NRG1: variants seen among roughly 807,000 people sequenced by gnomAD.
The protein encoded by NRG1 is neuregulin 1.
NRG1 carries 18 observed loss-of-function variants against 63.8 expected under a neutral mutation model. The ratio of observed to expected loss-of-function variants is 0.28; its 90% CI spans 0.19 to 0.42. The LOEUF is 0.42. Among genes scored for constraint, NRG1 ranks in the 10% least tolerant of loss-of-function variants. NRG1 has a pLI of 1.00. For missense variants in NRG1, 762 were observed against 814.7 expected (o/e 0.94, Z 0.79); for synonymous variants, 302 against 301.3 (o/e 1.00, Z -0.02).
intron 1 of NRG1, among the ~76,000 whole-genome samples, chr8:32,316,801 AAAAAT>A (rs3055550): frequency 0.6 from 78,971 of 131,612 alleles, 20,971 homozygotes; most frequent in East Asian, 0.73. Flanking sequence ...TCAGCTCCAA[AAAAAT>A]AAAATAAAAT....
chr8:32,525,689 T>C (rs370032073), intron 1 of NRG1, among the ~76,000 whole-genome samples: 3 of 152,288 alleles, frequency 2.0e-5, no homozygotes, highest in South Asian at 2.1e-4. Context: ...TCTGTGTATA[T>C]ACTTTAATTC....
intron 1 of NRG1, among the ~76,000 whole-genome samples, chr8:32,354,693 T>C (rs1346398043): frequency 6.7e-6 from 1 of 148,480 alleles, no homozygotes; most frequent in East Asian, 2.0e-4. Context: ...GTTTGAGACA[T>C]AGCAAGATCT....
In NRG1 at chr8:31,640,735, T is replaced by C. The variant is rs757683204; in HGVS notation, c.37+1304T>C. On this transcript the variant is annotated intron_variant, in intron 1 of 10. Transcript: ENST00000519301. This position sits in a 1 kb window ranked among gnomAD's most constrained non-coding sequence, Gnocchi z 6.3. Reference sequence around the variant, plus strand: ...GGTGCTGTGCAAGCGGTGCGGTAAGTTCCTCGCCCTTGGGGGCGCGAACCC... The same window carrying C: ...GGTGCTGTGCAAGCGGTGCGGTAAGCTCCTCGCCCTTGGGGGCGCGAACCC... 12 of 1,554,430 alleles carry C rather than the reference T, an allele frequency of 7.7e-6. No individual in the cohort carries two copies. Among genetic ancestry groups the C allele is most frequent in the Non-Finnish European group, 9.6e-6 (11 of 1,149,156 alleles).
intron 1 of NRG1, among the ~76,000 whole-genome samples, chr8:32,279,143 C>T (rs1037325461): frequency 1.3e-5 from 2 of 152,152 alleles, no homozygotes; most frequent in Non-Finnish European, 2.9e-5. Flanking sequence ...GCTGGCCTAC[C>T]GCAGAGCTGG....
intron 1 of NRG1, among the ~76,000 whole-genome samples, chr8:32,509,604 C>T (rs1294900797): frequency 6.6e-6 from 1 of 152,136 alleles, no homozygotes; most frequent in Non-Finnish European, 1.5e-5. Flanking sequence ...AAAGGTGACA[C>T]TCACATTTCT....
rs187374371 is a variant in NRG1, at chr8:31,944,258, G to A, written c.37+304827G>A. The stretch of plus-strand genomic sequence containing the variant: ...TCAAAGAAGGAAAGTTTGTAAAATG[G>A]AAACTACAGTGATATTGAGTGTATA... On this transcript the variant is annotated intron_variant, in intron 1 of 10. Coordinates refer to the NRG1 transcript ENST00000519301. 5.0e-3 allele frequency among the ~76,000 whole-genome samples: 755 copies of A among 152,282 alleles called. 2 individuals carry two copies. The highest frequency in any genetic ancestry group is 0.01 in the Middle Eastern group (3 of 294).
chr8:32,218,236 T>C (rs1586162410), intron 1 of NRG1, among the ~76,000 whole-genome samples: 1 of 152,350 alleles, frequency 6.6e-6, no homozygotes, highest in East Asian at 1.9e-4. Context: ...AGCCTACTCT[T>C]GTGCCAATCT....
chr8:32,389,759 CTTTT>C (rs201406660), intron 1 of NRG1, among the ~76,000 whole-genome samples: 43 of 145,630 alleles, frequency 3.0e-4, no homozygotes, highest in East Asian at 4.2e-4. Context: ...GTCTTTCTTT[CTTTT>C]TTTTTTTTTT....
intron 1 of NRG1, among the ~76,000 whole-genome samples, chr8:31,664,614 C>T (rs945761844): frequency 2.6e-5 from 4 of 152,142 alleles, no homozygotes; most frequent in African/African-American, 9.7e-5. Flanking sequence ...ATTCCACTTA[C>T]CATTATAATG....
chr8:32,512,099 A>C (rs1355819271), intron 1 of NRG1, among the ~76,000 whole-genome samples: 1 of 151,994 alleles, frequency 6.6e-6, no homozygotes, highest in Non-Finnish European at 1.5e-5. Flanking sequence ...AATAAGGAGA[A>C]GAAAGAGGTA....
intron 1 of NRG1, among the ~76,000 whole-genome samples, chr8:32,495,303 G>A (rs948323761): frequency 6.6e-6 from 1 of 152,134 alleles, no homozygotes; most frequent in African/African-American, 2.4e-5. Flanking sequence ...TTTATAAAGG[G>A]GAGTTCCCCT....
intron 1 of NRG1, among the ~76,000 whole-genome samples, chr8:31,788,220 T>C (rs1246356042): frequency 6.6e-6 from 1 of 152,154 alleles, no homozygotes; most frequent in African/African-American, 2.4e-5. Context: ...ATAATCCTAC[T>C]GCTGAATGAG....
intron 2 of NRG1, 28 bp from the exon 3 acceptor site, chr8:32,605,534 T>C (rs1845120304): frequency 1.2e-6 from 2 of 1,611,808 alleles, no homozygotes; most frequent in Non-Finnish European, 1.7e-6. Flanking sequence ...TGATATATAC[T>C]GACACCACTT....
chr8:32,737,505 C>A (rs1353238294), intron 6 of NRG1, among the ~76,000 whole-genome samples: 1 of 151,928 alleles, frequency 6.6e-6, no homozygotes, highest in Admixed American at 6.6e-5. Flanking sequence ...GAGCTGAGAT[C>A]TTGCCACTGT....
intron 1 of NRG1, among the ~76,000 whole-genome samples, chr8:31,800,484 A>T (rs909171746): frequency 3.9e-5 from 6 of 152,198 alleles, no homozygotes; most frequent in African/African-American, 9.6e-5. Flanking sequence ...CATTTATCTC[A>T]GTAAAGTTGA....
chr8:32,216,967 C>A (rs1039722638), intron 1 of NRG1, among the ~76,000 whole-genome samples: 12 of 151,980 alleles, frequency 7.9e-5, no homozygotes, highest in African/African-American at 2.9e-4. Flanking sequence ...AATCCCTGCA[C>A]TTTGGGAGAC....
At chr8:32,076,436 G>A (rs1826561124) in intron 1 of NRG1, among the ~76,000 whole-genome samples, 1 of 7,888 alleles carries the variant, frequency 1.3e-4, no homozygotes, top group Admixed American at 3.6e-3. Context: ...ATTCTGGGGT[G>A]TTTCAGCATG....
At chr8:32,524,932 C>T (rs1430693241) in intron 1 of NRG1, among the ~76,000 whole-genome samples, 1 of 152,216 alleles carries the variant, frequency 6.6e-6, no homozygotes, top group African/African-American at 2.4e-5. Flanking sequence ...TCAACGAAAT[C>T]ACTGGTTTTC....
chr8:32,487,273 C>T (rs1826023730), intron 1 of NRG1, among the ~76,000 whole-genome samples: 2 of 152,074 alleles, frequency 1.3e-5, no homozygotes, highest in Non-Finnish European at 2.9e-5. Context: ...AGCTGCAATA[C>T]TGTCTCAAAT....
Sources: gnomAD v4.1 joint callset for allele counts (sites outside exome capture counted in the v4.1 genomes callset) on GRCh38, gnomAD v4.1.1 for gene constraint, Gnocchi (gnomAD v3.1) non-coding constraint, MANE v1.5 for transcripts, NCBI Gene and HGNC (gene_info 2026-07-23, HGNC 2026-07-21) for gene names.